Variants in SLC5A4 observed in about 807,000 individuals in gnomAD.
The protein encoded by SLC5A4 is probable glucose sensor protein SLC5A4.
SLC5A4 carries 55 observed loss-of-function variants against 70.3 expected under a neutral mutation model. The observed-to-expected ratio is 0.78, with a 90% confidence interval of 0.63 to 0.98. The LOEUF (loss-of-function observed/expected upper bound fraction) is 0.98. Among genes scored for constraint, SLC5A4 ranks in the 50% least tolerant of loss-of-function variants. The probability of loss-of-function intolerance (pLI) is 0.00; values close to 1 mark genes in which losing one functional copy is unlikely to be tolerated. For synonymous variants in SLC5A4, 268 were observed against 305.7 expected (o/e 0.88, Z 1.29); for missense variants, 735 against 839.2 (o/e 0.88, Z 1.53).
the SLC5A4 span, chr22:32,272,276 G>T: frequency 2.5e-6 from 2 of 805,790 alleles, no homozygotes; most frequent in Non-Finnish European, 4.5e-6. Context: ...CCAAGAACAA[G>T]TTCAGAGTCC....
the SLC5A4 span, among the ~76,000 whole-genome samples, chr22:32,283,669 A>G: frequency 4.6e-5 from 7 of 152,352 alleles, no homozygotes; most frequent in African/African-American, 1.7e-4. Context: ...AGGAGCATCA[A>G]TAATAGTAAA....
At chr22:32,333,891 CCCATGCCACACA>C in the SLC5A4 span, among the ~76,000 whole-genome samples, 833 of 150,822 alleles carry the variant, frequency 5.5e-3, 4 homozygotes, top group African/African-American at 0.019. Context: ...ACACACACAC[CCCATGCCACACA>C]CCATGCTGCA....
chr22:32,326,317 C>G, the SLC5A4 span, among the ~76,000 whole-genome samples: 1 of 148,334 alleles, frequency 6.7e-6, no homozygotes, highest in Non-Finnish European at 1.5e-5. Context: ...CAGGCAATGG[C>G]ACGATCTTGG....
At chr22:32,284,762 G>A in the SLC5A4 span, 1 of 152,314 alleles carries the variant, frequency 6.6e-6, no homozygotes, top group Admixed American at 6.5e-5. Context: ...CAGTGCATGT[G>A]GTAAGGGAAA....
intron 5 of SLC5A4, among the ~76,000 whole-genome samples, chr22:32,241,300 G>A (rs7287176): frequency 0.039 from 5,933 of 152,318 alleles, 166 homozygotes; most frequent in African/African-American, 0.075. Context: ...GTTCAGAGTA[G>A]TCTGGGTCAA....
the SLC5A4 span, among the ~76,000 whole-genome samples, chr22:32,305,827 G>A: frequency 6.6e-6 from 1 of 151,700 alleles, no homozygotes; most frequent in South Asian, 2.1e-4. Context: ...GCAGTGATTG[G>A]CCCTGTCCCC....
chr22:32,250,724 G>T (rs1424602691), intron 3 of SLC5A4, among the ~76,000 whole-genome samples: 1 of 152,092 alleles, frequency 6.6e-6, no homozygotes, highest in Non-Finnish European at 1.5e-5. Context: ...AACAATGATA[G>T]ACTGGATAAA....
At chr22:32,226,789 C>G (rs1485795921) in intron 11 of SLC5A4, among the ~76,000 whole-genome samples, 1 of 152,172 alleles carries the variant, frequency 6.6e-6, no homozygotes, top group Non-Finnish European at 1.5e-5. Context: ...TTCAATGGCC[C>G]TGGATGACCT....
At chr22:32,330,506 ATG>A in the SLC5A4 span, among the ~76,000 whole-genome samples, 2 of 61,494 alleles carry the variant, frequency 3.3e-5, no homozygotes, top group African/African-American at 6.9e-5. Flanking sequence ...TCTGGTGTGT[ATG>A]TGTTGGGGGC....
chr22:32,336,604 TTCCTTTC>T, the SLC5A4 span, among the ~76,000 whole-genome samples: 4 of 152,202 alleles, frequency 2.6e-5, no homozygotes, highest in African/African-American at 9.6e-5. Context: ...TGGGAGCTGT[TTCCTTTC>T]TCCTGACAGC....
At chr22:32,311,450 G>C in the SLC5A4 span, among the ~76,000 whole-genome samples, 1 of 152,224 alleles carries the variant, frequency 6.6e-6, no homozygotes, top group South Asian at 2.1e-4. Flanking sequence ...GGCCTTTGGA[G>C]ATGTTTGTGA....
the SLC5A4 span, among the ~76,000 whole-genome samples, chr22:32,333,525 GTCCTTTACC>G: frequency 6.6e-6 from 1 of 152,056 alleles, no homozygotes; most frequent in African/African-American, 2.4e-5. Context: ...AAATGAATGT[GTCCTTTACC>G]TCCAAGGCTG....
the SLC5A4 span, among the ~76,000 whole-genome samples, chr22:32,280,249 C>G: frequency 6.6e-6 from 1 of 150,996 alleles, no homozygotes; most frequent in African/African-American, 2.5e-5. Context: ...CTCCTGACCC[C>G]AAGTGATCCA....
chr22:32,250,029 G>A (rs1927050727), intron 3 of SLC5A4, among the ~76,000 whole-genome samples: 1 of 152,132 alleles, frequency 6.6e-6, no homozygotes, highest in African/African-American at 2.4e-5. Context: ...CTAAAGGATG[G>A]GCTGGACACA....
chr22:32,273,721 G>A, the SLC5A4 span, among the ~76,000 whole-genome samples: 5 of 152,070 alleles, frequency 3.3e-5, no homozygotes, highest in Non-Finnish European at 7.4e-5. Context: ...TTTCCTTTTT[G>A]ATTCTTTCAA....
At chr22:32,318,605 C>T in the SLC5A4 span, among the ~76,000 whole-genome samples, 4 of 152,220 alleles carry the variant, frequency 2.6e-5, no homozygotes, top group Non-Finnish European at 5.9e-5. Context: ...CTTACACTTC[C>T]TGCTGCCTCC....
At chr22:32,264,219 G>C in the SLC5A4 span, among the ~76,000 whole-genome samples, 800 of 151,814 alleles carry the variant, frequency 5.3e-3, 8 homozygotes, top group African/African-American at 0.019. Flanking sequence ...AGAAATTGTC[G>C]TGAGACCACT....
the SLC5A4 span, among the ~76,000 whole-genome samples, chr22:32,274,189 G>A: frequency 2.0e-5 from 3 of 151,946 alleles, no homozygotes; most frequent in East Asian, 1.9e-4. Context: ...ACAGGTGCCC[G>A]CCAACAAGCC....
intron 12 of SLC5A4, among the ~76,000 whole-genome samples, chr22:32,225,026 T>A (rs1463472976): frequency 6.6e-6 from 1 of 152,154 alleles, no homozygotes; most frequent in Non-Finnish European, 1.5e-5. Flanking sequence ...TAAGCCTGAA[T>A]ACCAAGATCC....
Sources: allele counts gnomAD v4.1 joint callset (sites outside exome capture counted in the v4.1 genomes callset), GRCh38; gene constraint gnomAD v4.1.1; transcripts MANE v1.5; gene names NCBI Gene and HGNC (gene_info 2026-07-23, HGNC 2026-07-21).